Variants in KCNIP4 observed in about 807,000 individuals in gnomAD.
KCNIP4 encodes the protein potassium voltage-gated channel interacting protein 4.
Under a neutral mutation model 34.0 loss-of-function variants are expected in KCNIP4, and 12 were observed. The ratio of observed to expected loss-of-function variants is 0.35; its 90% CI spans 0.23 to 0.57. KCNIP4 has a LOEUF of 0.57. Among genes scored for constraint, KCNIP4 ranks in the 20% least tolerant of loss-of-function variants. The pLI is 0.83. For missense variants in KCNIP4, 238 were observed against 311.7 expected, an observed-to-expected ratio of 0.76 and a Z score of 1.78; for synonymous variants, 124 against 102.2, an observed-to-expected ratio of 1.21 and a Z score of -1.29.
intron 1 of KCNIP4, among the ~76,000 whole-genome samples, chr4:21,048,950 T>A (rs1246599845): frequency 7.2e-6 from 1 of 139,052 alleles, no homozygotes; most frequent in East Asian, 2.0e-4. Context: ...TTATCTTTTT[T>A]TTTTTTTTTT....
intron 1 of KCNIP4, among the ~76,000 whole-genome samples, chr4:21,136,160 A>G (rs1433486): frequency 0.53 from 80,225 of 151,902 alleles, 21,778 homozygotes; most frequent in African/African-American, 0.64. Flanking sequence ...ATGTTTCCGG[A>G]TGCTTGCCGT....
chr4:21,167,339 T>C (rs1041493281), intron 1 of KCNIP4, among the ~76,000 whole-genome samples: 10 of 152,224 alleles, frequency 6.6e-5, no homozygotes, highest in African/African-American at 2.4e-4. Flanking sequence ...GTACAATTTG[T>C]TGTATGTCAA....
chr4:21,643,239 A>G (rs1315624843), intron 1 of KCNIP4, among the ~76,000 whole-genome samples: 2 of 152,182 alleles, frequency 1.3e-5, no homozygotes. Flanking sequence ...ACTTTATATT[A>G]TAGTACTTAA....
chr4:20,784,369 C>T (rs13146892), intron 3 of KCNIP4, among the ~76,000 whole-genome samples: 6,354 of 152,160 alleles, frequency 0.042, 218 homozygotes, highest in East Asian at 0.2. Context: ...TAAACCACAC[C>T]GTGAAAGATA....
At chr4:21,785,260 T>TCAG (rs111419596) in intron 1 of KCNIP4, among the ~76,000 whole-genome samples, 1 of 151,660 alleles carries the variant, frequency 6.6e-6, no homozygotes. Flanking sequence ...TGTGCAGCTA[T>TCAG]CACAATTAAT....
chr4:21,667,547 G>C (rs554468074), intron 1 of KCNIP4, among the ~76,000 whole-genome samples: 1 of 152,286 alleles, frequency 6.6e-6, no homozygotes, highest in Non-Finnish European at 1.5e-5. Context: ...CAAACAGTTT[G>C]TCCAGACATG....
At chr4:21,485,595 G>A (rs867705145) in intron 1 of KCNIP4, among the ~76,000 whole-genome samples, 1 of 152,096 alleles carries the variant, frequency 6.6e-6, no homozygotes, top group Non-Finnish European at 1.5e-5. Context: ...AGCACTTCAA[G>A]CTGTCATTCA....
intron 1 of KCNIP4, among the ~76,000 whole-genome samples, chr4:21,052,763 C>T (rs1268363557): frequency 6.6e-6 from 1 of 152,134 alleles, no homozygotes; most frequent in Non-Finnish European, 1.5e-5. Flanking sequence ...CATCTGTTGA[C>T]TTGAATCAGA....
intron 1 of KCNIP4, among the ~76,000 whole-genome samples, chr4:21,836,371 C>T (rs184193526): frequency 2.0e-5 from 3 of 152,282 alleles, no homozygotes; most frequent in Admixed American, 1.3e-4. Flanking sequence ...ATAATTGCCT[C>T]TCCACTATCT....
At chr4:21,028,035 C>T (rs1293404086) in intron 1 of KCNIP4, among the ~76,000 whole-genome samples, 1 of 152,146 alleles carries the variant, frequency 6.6e-6, no homozygotes, top group African/African-American at 2.4e-5. Flanking sequence ...AGCAGATCTA[C>T]TCACAGTTTT....
intron 1 of KCNIP4, among the ~76,000 whole-genome samples, chr4:21,870,781 TA>T (rs1320886525): frequency 2.0e-5 from 3 of 152,198 alleles, no homozygotes; most frequent in African/African-American, 7.2e-5. Context: ...TTGGACAAGG[TA>T]AGATCTTGGG....
chr4:21,587,831 A>G (rs1432929826), intron 1 of KCNIP4, among the ~76,000 whole-genome samples: 1 of 152,040 alleles, frequency 6.6e-6, no homozygotes, highest in African/African-American at 2.4e-5. Context: ...GCAAACAGTT[A>G]ATACACATCT....
intron 3 of KCNIP4, among the ~76,000 whole-genome samples, chr4:20,798,194 A>G (rs1481117740): frequency 6.6e-6 from 1 of 152,242 alleles, no homozygotes; most frequent in Admixed American, 6.5e-5. Context: ...CTTAAAGACT[A>G]TGTTATCAGG....
In KCNIP4 at chr4:20,729,344, A is replaced by AACAGCCTGTAAGAAAGATTGAAC. The variant is rs1422768710; in HGVS notation, c.*715_*737dup. 4.0e-5 allele frequency: 6 copies of AACAGCCTGTAAGAAAGATTGAAC among 151,602 alleles called. No homozygotes were observed. Among genetic ancestry groups the AACAGCCTGTAAGAAAGATTGAAC allele is most frequent in the Non-Finnish European group, 7.4e-5 (5 of 67,980 alleles). The allele number at this position is 151,602 out of a possible 1,614,324, so 9.4% of individuals were successfully genotyped here. The stretch of plus-strand genomic sequence containing the variant: ...GATACTAATGATTGATACAATAGAA[A>AACAGCCTGTAAGAAAGATTGAAC]ACAGCCTGTAAGAAAGATTGAACAA... On this transcript the variant is annotated 3_prime_UTR_variant, in exon 9 of 9. Transcript: ENST00000382152.
chr4:21,213,517 G>A (rs900164843), intron 1 of KCNIP4, among the ~76,000 whole-genome samples: 1 of 152,040 alleles, frequency 6.6e-6, no homozygotes, highest in African/African-American at 2.4e-5. Flanking sequence ...GGCCAGGCTG[G>A]TCTCGAACTC....
intron 1 of KCNIP4, among the ~76,000 whole-genome samples, chr4:21,664,959 G>T (rs1458195051): frequency 6.6e-6 from 1 of 152,072 alleles, no homozygotes; most frequent in Non-Finnish European, 1.5e-5. Flanking sequence ...AAAATGGCTT[G>T]AATTTCCAGG....
chr4:21,847,907 A>G (rs1286292580), intron 1 of KCNIP4: 2 of 151,878 alleles, frequency 1.3e-5, no homozygotes, highest in African/African-American at 4.8e-5. Flanking sequence ...TCCCTTCACT[A>G]GCAACAAAAG....
intron 1 of KCNIP4, among the ~76,000 whole-genome samples, chr4:21,747,642 C>T (rs774801692): frequency 1.3e-5 from 2 of 152,078 alleles, no homozygotes; most frequent in Non-Finnish European, 1.5e-5. Context: ...CCAATCAAAA[C>T]TACAGGACTC....
At chr4:21,497,438 A>G (rs747019399) in intron 1 of KCNIP4, among the ~76,000 whole-genome samples, 1 of 152,118 alleles carries the variant, frequency 6.6e-6, no homozygotes, top group Non-Finnish European at 1.5e-5. Flanking sequence ...CTGTTTTTTC[A>G]GTGCAAATGC....
Sources: allele counts gnomAD v4.1 joint callset (sites outside exome capture counted in the v4.1 genomes callset), GRCh38; gene constraint gnomAD v4.1.1; transcripts MANE v1.5; gene names NCBI Gene and HGNC (gene_info 2026-07-23, HGNC 2026-07-21).